Variants in KCNG3 observed in about 807,000 individuals in gnomAD.
The protein encoded by KCNG3 is potassium voltage-gated channel modifier subfamily G member 3, also known as voltage-gated potassium channel regulatory subunit KCNG3.
KCNG3 carries 15 observed loss-of-function variants against 29.0 expected under a neutral mutation model. The ratio of observed to expected loss-of-function variants is 0.52; its 90% CI spans 0.35 to 0.80. The LOEUF (loss-of-function observed/expected upper bound fraction) is 0.80. Among genes scored for constraint, KCNG3 ranks in the 30% least tolerant of loss-of-function variants. The pLI, the probability that KCNG3 is intolerant of heterozygous loss-of-function variation, is 0.01. For synonymous variants in KCNG3, 322 were observed against 248.9 expected, an observed-to-expected ratio of 1.29 and a Z score of -2.76; for missense variants, 512 against 605.7, an observed-to-expected ratio of 0.85 and a Z score of 1.62.
the KCNG3 span, among the ~76,000 whole-genome samples, chr2:42,436,110 A>G: frequency 6.6e-6 from 1 of 152,246 alleles, no homozygotes; most frequent in African/African-American, 2.4e-5. Flanking sequence ...AAAACATGAC[A>G]CTAGGTGAAA....
At chr2:42,479,478 C>G (rs981838968) in intron 1 of KCNG3, among the ~76,000 whole-genome samples, 2 of 151,138 alleles carry the variant, frequency 1.3e-5, no homozygotes, top group African/African-American at 4.9e-5. Flanking sequence ...AACCCCATCT[C>G]TACAAAAATT....
intron 1 of KCNG3, among the ~76,000 whole-genome samples, chr2:42,476,428 G>C (rs1040691128): frequency 6.6e-6 from 1 of 151,906 alleles, no homozygotes; most frequent in Non-Finnish European, 1.5e-5. Context: ...AGTGGGCTGA[G>C]ATCATGCCAC....
chr2:42,491,664 G>T (rs549823466), intron 1 of KCNG3, among the ~76,000 whole-genome samples: 1 of 152,012 alleles, frequency 6.6e-6, no homozygotes, highest in Non-Finnish European at 1.5e-5. Context: ...ATGTATCTTC[G>T]ATTTCAAGCC....
chr2:42,392,086 C>A, the KCNG3 span, among the ~76,000 whole-genome samples: 1 of 152,160 alleles, frequency 6.6e-6, no homozygotes. Flanking sequence ...ATAATTATTT[C>A]ATCAGTTTAA....
At chr2:42,479,620 T>C (rs1183594798) in intron 1 of KCNG3, among the ~76,000 whole-genome samples, 1 of 145,384 alleles carries the variant, frequency 6.9e-6, no homozygotes, top group Non-Finnish European at 1.5e-5. Flanking sequence ...CACTTCAGTC[T>C]GGGTGACAAA....
the KCNG3 span, among the ~76,000 whole-genome samples, chr2:42,398,301 G>A: frequency 6.6e-6 from 1 of 151,678 alleles, no homozygotes; most frequent in African/African-American, 2.4e-5. Flanking sequence ...AATAATACTT[G>A]AGAATTGGAC....
intron 1 of KCNG3, among the ~76,000 whole-genome samples, chr2:42,453,422 A>G (rs1048619111): frequency 2.0e-5 from 3 of 152,198 alleles, no homozygotes; most frequent in African/African-American, 7.2e-5. Context: ...ATTTCATTGT[A>G]GTTTTGATTT....
the KCNG3 span, among the ~76,000 whole-genome samples, chr2:42,416,774 C>T: frequency 1.3e-5 from 2 of 149,414 alleles, no homozygotes; most frequent in African/African-American, 2.5e-5. Flanking sequence ...GCCGAGATTG[C>T]GCCACTGCAC....
chr2:42,467,019 C>A (rs1673158667), intron 1 of KCNG3, among the ~76,000 whole-genome samples: 1 of 152,042 alleles, frequency 6.6e-6, no homozygotes, highest in African/African-American at 2.4e-5. Flanking sequence ...TCCCAAAGTG[C>A]TGGGATTATA....
At chr2:42,479,736 C>T (rs928062336) in intron 1 of KCNG3, among the ~76,000 whole-genome samples, 5 of 151,896 alleles carry the variant, frequency 3.3e-5, no homozygotes, top group Admixed American at 1.3e-4. Flanking sequence ...ATCAGGCAGG[C>T]GGGGTGACTC....
chr2:42,439,351 T>C (rs551728605), downstream of KCNG3, among the ~76,000 whole-genome samples: 7 of 152,108 alleles, frequency 4.6e-5, no homozygotes, highest in East Asian at 9.6e-4. Flanking sequence ...AACCTCCACC[T>C]GCCAGGTTTA....
At chr2:42,484,188 G>A (rs1026053673) in intron 1 of KCNG3, among the ~76,000 whole-genome samples, 2 of 152,176 alleles carry the variant, frequency 1.3e-5, no homozygotes, top group African/African-American at 4.8e-5. Context: ...CTGACCGGGT[G>A]CTGTGGCTCA....
chr2:42,458,102 C>A (rs2103684798), intron 1 of KCNG3, among the ~76,000 whole-genome samples: 1 of 152,260 alleles, frequency 6.6e-6, no homozygotes. Context: ...TCACTTGATA[C>A]TATTTTGTTT....
chr2:42,464,275 C>A (rs1433812446), intron 1 of KCNG3, among the ~76,000 whole-genome samples: 13 of 152,086 alleles, frequency 8.5e-5, no homozygotes, highest in Admixed American at 7.9e-4. Flanking sequence ...ACAAGTTGCC[C>A]AGGTTGGTCT....
At chr2:42,398,801 G>A in the KCNG3 span, among the ~76,000 whole-genome samples, 1 of 152,116 alleles carries the variant, frequency 6.6e-6, no homozygotes, top group African/African-American at 2.4e-5. Flanking sequence ...CTTACAGTAG[G>A]GTCCCAGAGC....
At chr2:42,396,792 A>T in the KCNG3 span, among the ~76,000 whole-genome samples, 2 of 152,134 alleles carry the variant, frequency 1.3e-5, no homozygotes. Flanking sequence ...AAACTGATGG[A>T]TGGGTAGGAG....
the KCNG3 span, chr2:42,413,638 A>G: frequency 6.6e-6 from 1 of 152,224 alleles, no homozygotes; most frequent in Admixed American, 6.5e-5. Flanking sequence ...TGGGTGATTT[A>G]TAAAGGAAAG....
chr2:42,474,561 T>C (rs1673376691), intron 1 of KCNG3, among the ~76,000 whole-genome samples: 1 of 152,144 alleles, frequency 6.6e-6, no homozygotes, highest in African/African-American at 2.4e-5. Flanking sequence ...AAAACGGTTA[T>C]GAATCTAAAT....
the KCNG3 span, among the ~76,000 whole-genome samples, chr2:42,416,009 A>G: frequency 6.6e-6 from 1 of 151,954 alleles, no homozygotes; most frequent in Admixed American, 6.6e-5. Flanking sequence ...AGGCTGGCCA[A>G]CATGGTGAAA....
Sources: gnomAD v4.1 joint callset for allele counts (sites outside exome capture counted in the v4.1 genomes callset) on GRCh38, gnomAD v4.1.1 for gene constraint, MANE v1.5 for transcripts, NCBI Gene and HGNC (gene_info 2026-07-23, HGNC 2026-07-21) for gene names.